SCAI: variants seen among roughly 807,000 people sequenced by gnomAD.
SCAI encodes protein SCAI.
A neutral mutation model predicts 92.2 loss-of-function variants in SCAI; 24 were observed. That is an observed-to-expected ratio of 0.26 (90% CI 0.19 to 0.37). The LOEUF (loss-of-function observed/expected upper bound fraction) is 0.37, where lower values mean the gene tolerates loss of function less well. Ranked by LOEUF, SCAI falls within the 10% of genes least tolerant of loss-of-function variation. SCAI has a pLI of 1.00. For synonymous variants in SCAI, 261 were observed against 258.6 expected, an observed-to-expected ratio of 1.01 and a Z score of -0.09; for missense variants, 450 against 736.2, an observed-to-expected ratio of 0.61 and a Z score of 4.50.
At chr9:125,053,850 G>A (rs113501785) in intron 3 of SCAI, among the ~76,000 whole-genome samples, 5 of 152,198 alleles carry the variant, frequency 3.3e-5, no homozygotes, top group South Asian at 2.1e-4. Flanking sequence ...AAAAAAATGG[G>A]GTCCGAGCTA....
At chr9:125,052,113 A>G (rs1833571923) in intron 3 of SCAI, among the ~76,000 whole-genome samples, 1 of 152,234 alleles carries the variant, frequency 6.6e-6, no homozygotes, top group East Asian at 1.9e-4. Flanking sequence ...AGCTAAAAGT[A>G]TAAAACTCTT....
intron 2 of SCAI, among the ~76,000 whole-genome samples, chr9:125,115,312 C>A (rs1835018024): frequency 1.5e-5 from 2 of 137,088 alleles, no homozygotes; most frequent in African/African-American, 5.7e-5. Flanking sequence ...GCGGAGCTTG[C>A]AGTGAGCCCA....
chr9:125,021,185 GA>G (rs1832863738), intron 6 of SCAI, among the ~76,000 whole-genome samples: 1 of 152,184 alleles, frequency 6.6e-6, no homozygotes, highest in African/African-American at 2.4e-5. Flanking sequence ...TCTTGGGTGA[GA>G]AAAGGCTTCC....
chr9:125,141,492 A>T (rs981017069), intron 2 of SCAI, among the ~76,000 whole-genome samples: 1 of 152,258 alleles, frequency 6.6e-6, no homozygotes, highest in South Asian at 2.1e-4. Flanking sequence ...CATGGAATGC[A>T]GTCAAAAATG....
intron 2 of SCAI, among the ~76,000 whole-genome samples, chr9:125,061,977 G>T (rs1044921843): frequency 1.3e-5 from 2 of 151,990 alleles, no homozygotes; most frequent in African/African-American, 4.8e-5. Flanking sequence ...ATATGTATGT[G>T]TTTTACAGAA....
chr9:125,123,631 C>T (rs1215174489), intron 2 of SCAI, among the ~76,000 whole-genome samples: 4 of 152,020 alleles, frequency 2.6e-5, no homozygotes, highest in Admixed American at 6.6e-5. Flanking sequence ...AAAAATTAGC[C>T]GGGCATGGTG....
At chr9:124,965,364 G>A (rs1488976016) in intron 17 of SCAI, among the ~76,000 whole-genome samples, 1 of 152,048 alleles carries the variant, frequency 6.6e-6, no homozygotes, top group Non-Finnish European at 1.5e-5. Flanking sequence ...CTCCCGAGTA[G>A]CTGAGACTAC....
At position 125,074,551 on chromosome 9, in the gene SCAI, C is replaced by T. The variant is rs550736624; in HGVS notation, c.99-18544G>A. Among the ~76,000 whole-genome samples, 4 of 151,434 alleles carry T rather than the reference C, an allele frequency of 2.6e-5. No individual in the cohort carries two copies. In the East Asian group the frequency reaches 6.1e-4, roughly 23 times the overall value. The stretch of plus-strand genomic sequence containing the variant: ...TGGATTACACGCATGAGCCTGGCCT[C>T]ATTCTGCCTTATTTTCAGAATAGTC... On this transcript the variant is annotated intron_variant, in intron 2 of 17. Transcript: ENST00000336505.
At chr9:125,120,292 CA>C (rs1835132368) in intron 2 of SCAI, among the ~76,000 whole-genome samples, 1 of 152,128 alleles carries the variant, frequency 6.6e-6, no homozygotes, top group African/African-American at 2.4e-5. Flanking sequence ...CTGTAAAAAA[CA>C]AGGAGTAAAG....
At chr9:124,998,477 G>A (rs1296773999) in intron 13 of SCAI, among the ~76,000 whole-genome samples, 1 of 152,026 alleles carries the variant, frequency 6.6e-6, no homozygotes, top group African/African-American at 2.4e-5. Flanking sequence ...CTCAATACTA[G>A]AGGTTGGGAA....
intron 2 of SCAI, among the ~76,000 whole-genome samples, chr9:125,065,490 T>C (rs1833854234): frequency 6.6e-6 from 1 of 152,128 alleles, no homozygotes; most frequent in South Asian, 2.1e-4. Context: ...CACTGTCAAA[T>C]TTATAAAAAA....
At position 125,015,089 on chromosome 9, in the gene SCAI, ACCTAGGC is replaced by A. The variant is rs1016689919; in HGVS notation, c.861+3703_861+3709del. Among the ~76,000 whole-genome samples, 582 of 152,240 alleles carry A rather than the reference ACCTAGGC, an allele frequency of 3.8e-3. 2 individuals are homozygous for A. Among genetic ancestry groups the A allele is most frequent in the African/African-American group, 0.013 (549 of 41,538 alleles). ...AAAACCATAAAAACCCTAGAAGAAA[ACCTAGGC>A]ATTACCATTCAGTACGTAGGCATGG... On this transcript the variant is annotated intron_variant, in intron 9 of 17. Coordinates refer to ENST00000336505, the MANE Select transcript of SCAI (RefSeq NM_001144877.3).
rs957958557 is a variant in SCAI, at chr9:125,143,479, G to A, written c.-42C>T. The A allele has an allele frequency of 3.1e-5, 41 of 1,318,700 alleles. No individual in the cohort carries two copies. Among genetic ancestry groups the A allele is most frequent in the Non-Finnish European group, 3.8e-5 (39 of 1,033,922 alleles). 81.7% of individuals were successfully genotyped at this position (1,318,700 alleles called of 1,614,324 possible). A position where few individuals can be genotyped will look rare whatever the true frequency, so the allele number is the denominator to read the frequency against. On this transcript the variant is annotated 5_prime_UTR_variant, in exon 1 of 18. Coordinates refer to ENST00000336505, the MANE Select transcript of SCAI (RefSeq NM_001144877.3). ...CGCGGGAGCTGCTCCGGCGGCCGCA[G>A]GGCTCGCTCGGGAAGCTGAGGCGGC...
chr9:125,063,917 C>A (rs529000182), intron 2 of SCAI, among the ~76,000 whole-genome samples: 1 of 152,238 alleles, frequency 6.6e-6, no homozygotes, highest in Admixed American at 6.5e-5. Flanking sequence ...CCATGCCCAG[C>A]TAAGTCTTGT....
intron 3 of SCAI, among the ~76,000 whole-genome samples, chr9:125,042,638 C>CGT (rs1564390399): frequency 0.012 from 866 of 73,550 alleles, 10 homozygotes; most frequent in African/African-American, 0.04. Flanking sequence ...TGTGTGTACA[C>CGT]ACACACACAC....
chr9:124,958,904 CA>C (rs10713604), intron 17 of SCAI, among the ~76,000 whole-genome samples: 68,958 of 111,458 alleles, frequency 0.62, 17,824 homozygotes, highest in Admixed American at 0.65. Flanking sequence ...GACTCAGTCT[CA>C]AAAAAAAAAA....
chr9:125,125,859 T>G (rs1588244696), intron 2 of SCAI, among the ~76,000 whole-genome samples: 1 of 144,172 alleles, frequency 6.9e-6, no homozygotes, highest in Non-Finnish European at 1.5e-5. Context: ...AGATAGCTGC[T>G]TCCAAAACAC....
chr9:125,121,340 T>G (rs1373811925), intron 2 of SCAI, among the ~76,000 whole-genome samples: 1 of 149,770 alleles, frequency 6.7e-6, no homozygotes, highest in Non-Finnish European at 1.5e-5. Flanking sequence ...TGTAGGAATT[T>G]AAAAAGAAAG....
intron 2 of SCAI, chr9:125,066,035 C>A: frequency 1.3e-6 from 1 of 771,270 alleles, no homozygotes. Context: ...TTGTGAATGA[C>A]TGCTATCACC....
Sources: allele counts gnomAD v4.1 joint callset (sites outside exome capture counted in the v4.1 genomes callset), GRCh38; gene constraint gnomAD v4.1.1; transcripts MANE v1.5; gene names NCBI Gene and HGNC (gene_info 2026-07-23, HGNC 2026-07-21).